The following FAM13A variants were observed in gnomAD, a reference collection of about 807,000 sequenced individuals.
FAM13A encodes the protein protein FAM13A.
In FAM13A, 76 loss-of-function variants were observed where a neutral mutation model predicts 129.6. The observed-to-expected ratio is 0.59, with a 90% CI of 0.49 to 0.71. The LOEUF is 0.71. Among genes scored for constraint, FAM13A ranks in the 30% least tolerant of loss-of-function variants. The pLI, the probability that FAM13A is intolerant of heterozygous loss-of-function variation, is 0.00. For synonymous variants in FAM13A, 443 were observed against 449.9 expected, an observed-to-expected ratio of 0.98 and a Z score of 0.20; for missense variants, 1,108 against 1,249.3, an observed-to-expected ratio of 0.89 and a Z score of 1.70.
intron 4 of FAM13A, among the ~76,000 whole-genome samples, chr4:88,958,062 G>A (rs1272051451): frequency 4.0e-5 from 6 of 151,636 alleles, no homozygotes; most frequent in South Asian, 2.1e-4. Flanking sequence ...CTGGCCAAGC[G>A]TCAGAGGGAA....
At chr4:88,879,410 C>A (rs1743155345) in intron 6 of FAM13A, among the ~76,000 whole-genome samples, 1 of 152,194 alleles carries the variant, frequency 6.6e-6, no homozygotes, top group South Asian at 2.1e-4. Context: ...GCTTTAGCAT[C>A]AAATATATCT....
intron 4 of FAM13A, among the ~76,000 whole-genome samples, chr4:88,974,343 T>C (rs1034589774): frequency 6.6e-6 from 1 of 152,218 alleles, no homozygotes; most frequent in African/African-American, 2.4e-5. Flanking sequence ...TCCTGTGACC[T>C]CAACACTCTT....
At chr4:88,822,972 C>G in intron 7 of FAM13A, 1 of 1,612,546 alleles carries the variant, frequency 6.2e-7, no homozygotes, top group Non-Finnish European at 8.5e-7. Context: ...TAGGAAAATA[C>G]TACCTTTGCA....
At position 88,781,252 on chromosome 4, in the gene FAM13A, A is replaced by G. The variant is rs751045762; in HGVS notation, c.1371T>C (p.Phe457=). The change falls in exon 11 of 24, where the codon TTT becomes TTC. Residue 457 remains phenylalanine, a synonymous_variant. Transcript: ENST00000264344. ...QEVEKVHKNT[F]GCAGERSKPK... The stretch of plus-strand genomic sequence containing the variant: ...GCTTGCTCCTTTCTCCAGCACAACC[A>G]AAAGTATTTTTGTGTACCTTTTCGA... The G allele has an allele frequency of 3.1e-6, 5 of 1,612,954 alleles. No individual in the cohort carries two copies. The South Asian group carries it at 5.5e-5, about 18-fold the overall frequency.
intron 8 of FAM13A, among the ~76,000 whole-genome samples, chr4:88,803,522 C>T (rs1182089652): frequency 6.6e-6 from 1 of 150,598 alleles, no homozygotes; most frequent in Non-Finnish European, 1.5e-5. Context: ...CTATGTAAAA[C>T]TAAATTTCCA....
chr4:88,728,759 T>C, intron 23 of FAM13A, 100 bp from the exon 24 acceptor site: 1 of 1,396,654 alleles, frequency 7.2e-7, no homozygotes, highest in Non-Finnish European at 1.0e-6. Context: ...CTTTGCAGTT[T>C]ATCAACTTGT....
At chr4:88,746,697 G>T (rs1017015390) in intron 19 of FAM13A, among the ~76,000 whole-genome samples, 1 of 152,166 alleles carries the variant, frequency 6.6e-6, no homozygotes, top group Admixed American at 6.5e-5. Flanking sequence ...AATTTTAGTT[G>T]CAAACCAATT....
At chr4:88,934,262 ATTTTC>A (rs1470200011) in intron 5 of FAM13A, among the ~76,000 whole-genome samples, 1 of 151,934 alleles carries the variant, frequency 6.6e-6, no homozygotes, top group Non-Finnish European at 1.5e-5. Context: ...CATACTACAT[ATTTTC>A]TTTTCTTTTT....
intron 5 of FAM13A, among the ~76,000 whole-genome samples, chr4:88,929,391 T>G (rs2125409): frequency 0.56 from 85,307 of 152,040 alleles, 24,074 homozygotes; most frequent in Admixed American, 0.59. Flanking sequence ...TGCAACGTAT[T>G]TTCCTGGAGA....
intron 1 of FAM13A, among the ~76,000 whole-genome samples, chr4:89,039,193 G>C (rs1451255048): frequency 6.6e-6 from 1 of 152,146 alleles, no homozygotes; most frequent in Admixed American, 6.5e-5. Flanking sequence ...CAGAAGGAGA[G>C]ACATTCTAAC....
In FAM13A at chr4:88,731,367, G is replaced by A; in HGVS notation, c.2905C>T (p.Leu969Phe). Residue 969 changes from leucine (L) to phenylalanine (F), a missense_variant, in exon 23 of 24, where the codon CTT becomes TTT. Physicochemically the swap from Leu to Phe is conservative, Grantham distance 22. Transcript: ENST00000264344. ...REEKKRIRKKLRDFEDNFFRQ... is the reference protein window; with the variant it reads ...REEKKRIRKKFRDFEDNFFRQ... The stretch of plus-strand genomic sequence containing the variant: ...AAAAAGTTGTCTTCAAAATCCCGAA[G>A]TTTCTTTCGAATCCTTTTCTTTTCT... 6.2e-7 allele frequency: 1 copy of A among 1,608,874 alleles called. No individual in the cohort carries two copies. Among genetic ancestry groups the A allele is most frequent in the Non-Finnish European group, 8.5e-7 (1 of 1,179,648 alleles).
intron 4 of FAM13A, among the ~76,000 whole-genome samples, chr4:88,943,316 GGA>G (rs1755094334): frequency 6.6e-6 from 1 of 152,112 alleles, no homozygotes; most frequent in Non-Finnish European, 1.5e-5. Flanking sequence ...AATTATATGT[GGA>G]AACACTGTCA....
intron 11 of FAM13A, among the ~76,000 whole-genome samples, chr4:88,777,604 C>T (rs1160554750): frequency 2.6e-5 from 4 of 152,086 alleles, no homozygotes; most frequent in Admixed American, 1.3e-4. Context: ...ATGATATCCT[C>T]GGGAGGCAAG....
At chr4:88,801,633 T>C (rs1188823735) in intron 8 of FAM13A, among the ~76,000 whole-genome samples, 1 of 152,152 alleles carries the variant, frequency 6.6e-6, no homozygotes, top group African/African-American at 2.4e-5. Context: ...TAGAGCCCAA[T>C]GAACAAAACT....
At chr4:88,793,405 T>C (rs888465665) in intron 8 of FAM13A, among the ~76,000 whole-genome samples, 1 of 152,046 alleles carries the variant, frequency 6.6e-6, no homozygotes. Flanking sequence ...ATATTTTTGC[T>C]AGCATATTTA....
At position 88,876,034 on chromosome 4, in the gene FAM13A, C is replaced by T. The variant is rs186705905; in HGVS notation, c.844-24851G>A. Among the ~76,000 whole-genome samples, 215 of 152,228 alleles carry T rather than the reference C, an allele frequency of 1.4e-3. 3 individuals are homozygous for T. The highest frequency in any genetic ancestry group is 4.9e-3 in the African/African-American group (204 of 41,526). On this transcript the variant is annotated intron_variant, in intron 6 of 23. Coordinates refer to ENST00000264344, the MANE Select transcript of FAM13A (RefSeq NM_014883.4). ...GAAACCATCATTCTCAGCAAACTATCGCAAGGACAGAAAACCAAACACCGC... is the reference window on the plus strand; with the variant it reads ...GAAACCATCATTCTCAGCAAACTATTGCAAGGACAGAAAACCAAACACCGC...
chr4:88,790,597 AGACAC>A lies in FAM13A; in HGVS notation c.1075_1079del (p.Val359CysfsTer20). ...CCCAAATAACTTACTCTCCGGTTGC[AGACAC>A]ATTGCTGACTTGGGGTACATGAGCA... is the stretch of plus-strand genomic sequence containing the variant. On this transcript the variant is annotated frameshift_variant, in exon 9 of 24. Transcript: ENST00000264344. LOFTEE classifies it high-confidence loss of function. 6.2e-7 allele frequency: 1 copy of A among 1,611,582 alleles called. No individual in the cohort carries two copies. The highest frequency in any genetic ancestry group is 8.5e-7 in the Non-Finnish European group (1 of 1,178,720).
chr4:88,948,588 A>C (rs1415532206), intron 4 of FAM13A, among the ~76,000 whole-genome samples: 2 of 151,894 alleles, frequency 1.3e-5, no homozygotes, highest in African/African-American at 4.8e-5. Flanking sequence ...TCCCGGGTTC[A>C]AGCAATTCTC....
intron 4 of FAM13A, among the ~76,000 whole-genome samples, chr4:88,955,495 T>A (rs561560734): frequency 6.6e-6 from 1 of 152,150 alleles, no homozygotes; most frequent in African/African-American, 2.4e-5. Context: ...TACCGGGTAG[T>A]GGAGCGCTGC....
Sources: allele counts gnomAD v4.1 joint callset (sites outside exome capture counted in the v4.1 genomes callset), GRCh38; gene constraint gnomAD v4.1.1; transcripts MANE v1.5; gene names NCBI Gene and HGNC (gene_info 2026-07-23, HGNC 2026-07-21).